The following AAK1 variants were observed in gnomAD, a reference collection of about 807,000 sequenced individuals.
AAK1 encodes the protein AP2-associated protein kinase 1.
AAK1 carries 37 observed loss-of-function variants against 116.0 expected under a neutral mutation model. The observed-to-expected ratio is 0.32, with a 90% CI of 0.25 to 0.42. The LOEUF (loss-of-function observed/expected upper bound fraction) is 0.42. Among genes scored for constraint, AAK1 ranks in the 10% least tolerant of loss-of-function variants. The pLI, the probability that AAK1 is intolerant of heterozygous loss-of-function variation, is 1.00. For missense variants in AAK1, 919 were observed against 1,170.6 expected, an observed-to-expected ratio of 0.79 and a Z score of 3.14; for synonymous variants, 458 against 439.9, an observed-to-expected ratio of 1.04 and a Z score of -0.51.
Position 69,469,122 on chromosome 2 carries a change from T to A in AAK1, c.*6747A>T. 2.0e-6 allele frequency: 2 copies of A among 985,406 alleles called. No individual in the cohort carries two copies. Among genetic ancestry groups the A allele is most frequent in the Non-Finnish European group, 2.4e-6 (2 of 829,932 alleles). The allele number at this position is 985,406 out of a possible 1,614,324, so 61.0% of individuals were successfully genotyped here. On this transcript the variant is annotated 3_prime_UTR_variant, in exon 22 of 22. Transcript: ENST00000409085. ...GAAAAGTACATTTAAAGGGTTGTCC[T>A]GAGAAGGCCAAGTCCCTTAACCTTT...
rs1420942909 is a variant in AAK1, at chr2:69,471,567, C to T, written c.*4302G>A. Reference sequence around the variant, plus strand: ...AGCCTCTAATTTGCTTAACCCGGCACACTGGGCAATCCTGTCATTTTCATC... The same window carrying T: ...AGCCTCTAATTTGCTTAACCCGGCATACTGGGCAATCCTGTCATTTTCATC... On this transcript the variant is annotated 3_prime_UTR_variant, in exon 22 of 22. Transcript: ENST00000409085. 2.0e-6 allele frequency: 2 copies of T among 985,314 alleles called. 1 individual carries two copies. The highest frequency in any genetic ancestry group is 2.3e-4 in the East Asian group (2 of 8,830). The allele number at this position is 985,314 out of a possible 1,614,324, so 61.0% of individuals were successfully genotyped here.
intron 3 of AAK1, among the ~76,000 whole-genome samples, chr2:69,556,183 T>C (rs1671378646): frequency 6.6e-6 from 1 of 152,224 alleles, no homozygotes; most frequent in African/African-American, 2.4e-5. Flanking sequence ...GTGTAACCAC[T>C]ATCTAAAACA....
intron 5 of AAK1, among the ~76,000 whole-genome samples, chr2:69,536,078 T>A (rs562682508): frequency 6.6e-6 from 1 of 152,226 alleles, no homozygotes; most frequent in Non-Finnish European, 1.5e-5. Flanking sequence ...TTACCTAACT[T>A]GTCTGAGGTC....
chr2:69,487,216 G>A (rs1378175890), intron 17 of AAK1, among the ~76,000 whole-genome samples: 1 of 152,218 alleles, frequency 6.6e-6, no homozygotes, highest in African/African-American at 2.4e-5. Flanking sequence ...AGAAAAGGAT[G>A]TAATGGGAGG....
chr2:69,610,066 A>G (rs949745570), intron 2 of AAK1, among the ~76,000 whole-genome samples: 2 of 151,698 alleles, frequency 1.3e-5, no homozygotes, highest in African/African-American at 4.8e-5. Flanking sequence ...AAAAAAAAAA[A>G]AAAAAAATTG....
At chr2:69,560,678 CTCCCATTT>C (rs1671595900) in intron 2 of AAK1, among the ~76,000 whole-genome samples, 1 of 152,174 alleles carries the variant, frequency 6.6e-6, no homozygotes, top group African/African-American at 2.4e-5. Flanking sequence ...AACACGTTTT[CTCCCATTT>C]TCCCTAAAAT....
rs1005717067 is a variant in AAK1, at chr2:69,643,713, T to C, written c.-373A>G. On this transcript the variant is annotated 5_prime_UTR_variant, in exon 1 of 22. Coordinates refer to ENST00000409085, the MANE Select transcript of AAK1 (RefSeq NM_014911.5). ...GCTCGGCTCCCGCCCGCCCGCCAGC[T>C]GATCCCGGGAGCGCCGGGCGGAGAC... is the stretch of plus-strand genomic sequence containing the variant. 1.2e-5 allele frequency: 14 copies of C among 1,214,094 alleles called. No individual in the cohort carries two copies. The African/African-American group carries it at 1.7e-4, about 15-fold the overall frequency. 75.2% of individuals were successfully genotyped at this position (1,214,094 alleles called of 1,614,324 possible). A position where few individuals can be genotyped will look rare whatever the true frequency, so the allele number is the denominator to read the frequency against.
intron 13 of AAK1, among the ~76,000 whole-genome samples, chr2:69,512,401 C>T (rs976258724): frequency 1.3e-5 from 2 of 152,132 alleles, no homozygotes; most frequent in African/African-American, 2.4e-5. Context: ...ATGAGCATTT[C>T]TTTTCATACT....
chr2:69,553,020 C>T (rs763926523), intron 3 of AAK1, among the ~76,000 whole-genome samples: 13 of 151,622 alleles, frequency 8.6e-5, no homozygotes, highest in African/African-American at 2.7e-4. Flanking sequence ...AGGGAGAAAA[C>T]AAGAAAATTA....
In AAK1 at chr2:69,473,428, T is replaced by C. The variant is rs1674746153; in HGVS notation, c.*2441A>G. On this transcript the variant is annotated 3_prime_UTR_variant, in exon 22 of 22. Coordinates refer to ENST00000409085, the MANE Select transcript of AAK1 (RefSeq NM_014911.5). The stretch of plus-strand genomic sequence containing the variant: ...GGCTCCGTTTACCAAAGCACTCATA[T>C]GTGTTCCTTAACAGAAAAATAGTTC... The C allele has an allele frequency of 1.0e-6, 1 of 985,350 alleles. No homozygotes were observed. Among genetic ancestry groups the C allele is most frequent in the Non-Finnish European group, 1.2e-6 (1 of 829,950 alleles). The allele number at this position is 985,350 out of a possible 1,614,324, so 61.0% of individuals were successfully genotyped here. A position where few individuals can be genotyped will look rare whatever the true frequency, so the allele number is the denominator to read the frequency against.
intron 5 of AAK1, among the ~76,000 whole-genome samples, chr2:69,538,891 C>A (rs941385978): frequency 1.1e-4 from 16 of 151,640 alleles, no homozygotes; most frequent in African/African-American, 3.9e-4. Context: ...CAAAAAAAAA[C>A]AAAAAACAAA....
chr2:69,469,700 G>A lies in AAK1; in HGVS notation c.*6169C>T, dbSNP rs901769638. 9.1e-6 allele frequency: 9 copies of A among 985,308 alleles called. No homozygotes were observed. Among genetic ancestry groups the A allele is most frequent in the African/African-American group, 8.7e-5 (5 of 57,238 alleles). The allele number at this position is 985,308 out of a possible 1,614,324, so 61.0% of individuals were successfully genotyped here. A position where few individuals can be genotyped will look rare whatever the true frequency, so the allele number is the denominator to read the frequency against. On this transcript the variant is annotated 3_prime_UTR_variant, in exon 22 of 22. Coordinates refer to ENST00000409085, the MANE Select transcript of AAK1 (RefSeq NM_014911.5). ...GGTCTTACTTATCATAGAGCCTAAC[G>A]TAGGGTTTTGTTATAATTCCCTCAA...
chr2:69,490,150 G>A (rs756612973), intron 17 of AAK1, among the ~76,000 whole-genome samples: 13 of 152,116 alleles, frequency 8.5e-5, no homozygotes, highest in Non-Finnish European at 1.6e-4. Context: ...TCTGTGGAAC[G>A]CCGAGATCAG....
chr2:69,638,803 T>C (rs1675565438), intron 2 of AAK1, among the ~76,000 whole-genome samples: 1 of 152,208 alleles, frequency 6.6e-6, no homozygotes, highest in Non-Finnish European at 1.5e-5. Flanking sequence ...AGGCTCTTTA[T>C]CATAACATCT....
chr2:69,504,170 G>A (rs574489103), intron 16 of AAK1, among the ~76,000 whole-genome samples: 1 of 152,078 alleles, frequency 6.6e-6, no homozygotes, highest in East Asian at 1.9e-4. Context: ...GCCGAAGCAG[G>A]CAGATCACTT....
intron 2 of AAK1, among the ~76,000 whole-genome samples, chr2:69,630,268 T>G (rs1675104103): frequency 6.8e-6 from 1 of 147,710 alleles, no homozygotes; most frequent in Non-Finnish European, 1.5e-5. Flanking sequence ...AAAATCAAAC[T>G]ACAATATTTC....
intron 2 of AAK1, among the ~76,000 whole-genome samples, chr2:69,591,543 G>T (rs1673032572): frequency 7.6e-6 from 1 of 131,016 alleles, no homozygotes. Flanking sequence ...TTTTTTGAGA[G>T]GGAGTCTCGC....
In AAK1 at chr2:69,459,166, T is replaced by TC. The variant is rs1477274525; in HGVS notation, c.*16702_*16703insG. On this transcript the variant is annotated 3_prime_UTR_variant, in exon 22 of 22. Transcript: ENST00000409085. ...GCATTCCGGGAAAAGTACCTCTGGG[T>TC]TGTCACTACAGAGTAAGGCTGGGGT... The TC allele has an allele frequency of 1.3e-5, 2 of 152,198 alleles. No individual in the cohort carries two copies. The highest frequency in any genetic ancestry group is 2.9e-5 in the Non-Finnish European group (2 of 68,034). The allele number at this position is 152,198 out of a possible 1,614,324, so 9.4% of individuals were successfully genotyped here. A position where few individuals can be genotyped will look rare whatever the true frequency, so the allele number is the denominator to read the frequency against.
chr2:69,550,549 GC>G (rs1671134579), intron 3 of AAK1, among the ~76,000 whole-genome samples: 1 of 151,756 alleles, frequency 6.6e-6, no homozygotes, highest in South Asian at 2.1e-4. Flanking sequence ...TGATCCGACC[GC>G]CCAAAGTGCT....
Sources: allele counts gnomAD v4.1 joint callset (sites outside exome capture counted in the v4.1 genomes callset), GRCh38; gene constraint gnomAD v4.1.1; transcripts MANE v1.5; gene names NCBI Gene and HGNC (gene_info 2026-07-23, HGNC 2026-07-21).